The following TADA2A variants were observed in gnomAD, a reference collection of about 807,000 sequenced individuals.
The protein encoded by TADA2A is transcriptional adaptor 2A, also known as transcriptional adapter 2-alpha.
Under a neutral mutation model 67.4 loss-of-function variants are expected in TADA2A, and 38 were observed. The observed-to-expected ratio is 0.56, with a 90% CI of 0.44 to 0.74. The LOEUF (loss-of-function observed/expected upper bound fraction) is 0.74, where lower values mean the gene tolerates loss of function less well. Among genes scored for constraint, TADA2A ranks in the 30% least tolerant of loss-of-function variants. The pLI is 0.00. For synonymous variants in TADA2A, 192 were observed against 181.6 expected, an observed-to-expected ratio of 1.06 and a Z score of -0.46; for missense variants, 454 against 547.0, an observed-to-expected ratio of 0.83 and a Z score of 1.70.
At chr17:37,420,385 C>T (rs1412020286) in intron 2 of TADA2A, among the ~76,000 whole-genome samples, 3 of 142,754 alleles carry the variant, frequency 2.1e-5, no homozygotes, top group African/African-American at 7.6e-5. Context: ...TCATCATTTT[C>T]TTCTGTGTCT....
chr17:37,446,832 T>TTTCATTC (rs548248052), intron 8 of TADA2A, among the ~76,000 whole-genome samples: 2 of 152,192 alleles, frequency 1.3e-5, no homozygotes, highest in East Asian at 3.8e-4. Context: ...CGGTGTTTAA[T>TTTCATTC]TTCATTCTTC....
chr17:37,456,574 T>C (rs117550674), intron 8 of TADA2A, among the ~76,000 whole-genome samples: 49 of 152,314 alleles, frequency 3.2e-4, no homozygotes, highest in South Asian at 2.7e-3. Context: ...AGAATCCAGA[T>C]TGAGTTCTGT....
At chr17:37,450,855 T>C (rs2053212914) in intron 8 of TADA2A, among the ~76,000 whole-genome samples, 2 of 152,208 alleles carry the variant, frequency 1.3e-5, no homozygotes, top group South Asian at 4.1e-4. Flanking sequence ...TGCTGCTGAG[T>C]GTGCTCAGAG....
At chr17:37,460,328 G>A (rs991445398) in intron 9 of TADA2A, among the ~76,000 whole-genome samples, 6 of 151,818 alleles carry the variant, frequency 4.0e-5, no homozygotes, top group African/African-American at 1.2e-4. Context: ...TCACTGCAGC[G>A]TCTGCCTCCT....
At chr17:37,444,674 A>T in intron 7 of TADA2A, 22 bp from the exon 8 acceptor site, 1 of 1,610,908 alleles carries the variant, frequency 6.2e-7, no homozygotes, top group South Asian at 1.1e-5. Flanking sequence ...TGGGGTGGGG[A>T]TTTTTTTGTT....
chr17:37,437,071 A>C (rs1190280784), intron 4 of TADA2A, among the ~76,000 whole-genome samples: 1 of 150,716 alleles, frequency 6.6e-6, no homozygotes, highest in African/African-American at 2.5e-5. Flanking sequence ...AAGTTCCTAG[A>C]TTCCATTTAT....
chr17:37,429,049 A>G (rs923784951), intron 4 of TADA2A, among the ~76,000 whole-genome samples: 2 of 151,264 alleles, frequency 1.3e-5, no homozygotes, highest in African/African-American at 4.8e-5. Flanking sequence ...CCGTCTCAAA[A>G]AAAAAAAAAA....
rs2053689704 is a variant in TADA2A, at chr17:37,467,475, A to C, written c.845A>C (p.Glu282Ala). The change falls in exon 12 of 16, where the codon GAA (glutamate) becomes GCA (alanine). Residue 282 changes from glutamate (E) to alanine (A), a missense_variant. Physicochemically the swap from Glu to Ala is moderately radical, Grantham distance 107. Transcript: ENST00000615182. ...ACAGTGGAATTTGAACTCCGAAGGG[A>C]AATCAAGAGGCTCCAAGAATACAGG... The part of the protein sequence containing the change: ...SHALEFELRR[E>A]IKRLQEYRTA... 2 of 1,613,954 alleles carry C rather than the reference A, an allele frequency of 1.2e-6. No individual in the cohort carries two copies. The highest frequency in any genetic ancestry group is 1.7e-6 in the Non-Finnish European group (2 of 1,179,986).
At chr17:37,459,241 G>T (rs1332375464) in intron 9 of TADA2A, among the ~76,000 whole-genome samples, 1 of 125,948 alleles carries the variant, frequency 7.9e-6, no homozygotes, top group African/African-American at 3.3e-5. Flanking sequence ...AGACAGTATT[G>T]TTACACTTTT....
intron 14 of TADA2A, among the ~76,000 whole-genome samples, chr17:37,473,392 C>T (rs942847220): frequency 6.6e-6 from 1 of 152,072 alleles, no homozygotes; most frequent in African/African-American, 2.4e-5. Flanking sequence ...TATTGGAAGC[C>T]TGGCATCTTT....
intron 3 of TADA2A, chr17:37,426,663 CAGAAAAA>C (rs1238978445): frequency 0.012 from 1,203 of 98,618 alleles, 16 homozygotes; most frequent in African/African-American, 0.066. Context: ...GACTCCGTCT[CAGAAAAA>C]AAAAAAAAAA....
Position 37,465,559 on chromosome 17 carries a change from C to G in TADA2A, c.823+18C>G. The G allele has an allele frequency of 6.2e-7, 1 of 1,613,832 alleles. No homozygotes were observed. The highest frequency in any genetic ancestry group is 1.1e-5 in the South Asian group (1 of 91,032). Reference sequence around the variant, plus strand: ...CCATGCATGTAGGTGGTTTTTGAGCCTTGAGCAGTATTTGTGTGTGTATAT... The same window carrying G: ...CCATGCATGTAGGTGGTTTTTGAGCGTTGAGCAGTATTTGTGTGTGTATAT... On this transcript the variant is annotated intron_variant, in intron 11 of 15. Coordinates refer to ENST00000615182, the MANE Select transcript of TADA2A (RefSeq NM_001166105.3).
intron 4 of TADA2A, among the ~76,000 whole-genome samples, chr17:37,430,228 A>G (rs1256609734): frequency 6.6e-6 from 1 of 152,152 alleles, no homozygotes. Context: ...TTTCTCACGT[A>G]TTCAACACCC....
rs1200956173 is a variant in TADA2A at position 37,478,585 on chromosome 17, T to C, written c.*1603T>C. ...TAAGTAGCCCCACCACATGTAAAACTTGGTCCTCAAACGTTTCTGCAGAAT... is the reference window on the plus strand; with the variant it reads ...TAAGTAGCCCCACCACATGTAAAACCTGGTCCTCAAACGTTTCTGCAGAAT... On this transcript the variant is annotated 3_prime_UTR_variant, in exon 16 of 16. Transcript: ENST00000615182. 6.6e-6 allele frequency: 1 copy of C among 152,210 alleles called. No homozygotes were observed. Among genetic ancestry groups the C allele is most frequent in the African/African-American group, 2.4e-5 (1 of 41,454 alleles). The allele number at this position is 152,210 out of a possible 1,614,324, so 9.4% of individuals were successfully genotyped here.
At chr17:37,426,752 C>A in intron 3 of TADA2A, 198 bp from the exon 4 acceptor site, 1 of 397,388 alleles carries the variant, frequency 2.5e-6, no homozygotes, top group Non-Finnish European at 4.5e-6. Context: ...GACTGAGGTA[C>A]AAGGATCCCT....
intron 12 of TADA2A, among the ~76,000 whole-genome samples, chr17:37,468,566 T>G (rs770803547): frequency 6.6e-6 from 1 of 151,876 alleles, no homozygotes. Context: ...TGACTCTTGC[T>G]ATGTTGCCCA....
chr17:37,465,608 G>A, intron 11 of TADA2A, 67 bp downstream of exon 11: 1 of 1,598,586 alleles, frequency 6.3e-7, no homozygotes, highest in Non-Finnish European at 8.5e-7. Flanking sequence ...AGAGATAATG[G>A]TGTGTTTTAT....
intron 2 of TADA2A, among the ~76,000 whole-genome samples, chr17:37,415,891 A>AT (rs1334544306): frequency 6.6e-6 from 1 of 151,256 alleles, no homozygotes; most frequent in Non-Finnish European, 1.5e-5. Context: ...AAAAAAAAAA[A>AT]AGTGTCTATA....
intron 6 of TADA2A, among the ~76,000 whole-genome samples, chr17:37,442,198 CTTTTTTT>C (rs760306260): frequency 1.3e-5 from 1 of 75,412 alleles, no homozygotes; most frequent in Admixed American, 1.3e-4. Flanking sequence ...TTTTTCCCGT[CTTTTTTT>C]TTTTTTTTTT....
Sources: gnomAD v4.1 joint callset for allele counts (sites outside exome capture counted in the v4.1 genomes callset) on GRCh38, gnomAD v4.1.1 for gene constraint, MANE v1.5 for transcripts, NCBI Gene and HGNC (gene_info 2026-07-23, HGNC 2026-07-21) for gene names.